CCDC3: variants seen among roughly 807,000 people sequenced by gnomAD.
CCDC3 encodes coiled-coil domain-containing protein 3.
Under a neutral mutation model 21.4 loss-of-function variants are expected in CCDC3, and 24 were observed. The observed-to-expected ratio is 1.12, with a 90% confidence interval of 0.81 to 1.58. CCDC3 has a LOEUF of 1.58. CCDC3 is among the 40% of genes most tolerant of loss of function. CCDC3 has a pLI of 0.00. For synonymous variants in CCDC3, 186 were observed against 166.0 expected (o/e 1.12, Z -0.93); for missense variants, 425 against 360.9 (o/e 1.18, Z -1.44).
At chr10:13,061,744 G>A (rs1836760306) in intron 4 of CCDC3, among the ~76,000 whole-genome samples, 1 of 152,162 alleles carries the variant, frequency 6.6e-6, no homozygotes, top group Non-Finnish European at 1.5e-5. Flanking sequence ...TAAAGACCTG[G>A]GATCAATAGA....
intron 2 of CCDC3, among the ~76,000 whole-genome samples, chr10:12,929,300 C>T (rs927355126): frequency 1.7e-4 from 26 of 150,334 alleles, no homozygotes; most frequent in Non-Finnish European, 2.7e-4. Flanking sequence ...ATAGACCCCA[C>T]CTTCCTCTGA....
chr10:12,985,932 G>C (rs1835582854), intron 2 of CCDC3, among the ~76,000 whole-genome samples: 1 of 152,230 alleles, frequency 6.6e-6, no homozygotes, highest in Admixed American at 6.5e-5. Context: ...CTGGAGTGCA[G>C]TGGCGCGATC....
In CCDC3 at chr10:13,001,337, C is replaced by A. The variant is rs1185782102; in HGVS notation, c.234G>T (p.Glu78Asp). 9 of 1,604,460 alleles carry A rather than the reference C, an allele frequency of 5.6e-6. No homozygotes were observed. Among genetic ancestry groups the A allele is most frequent in the Non-Finnish European group, 5.9e-6 (7 of 1,176,812 alleles). ...ACGCCTGGTCGCACAGCATCTCGAC[C>A]TCGGCCGAGTAGAAGAGGCCCCCCT... The part of the protein sequence containing the change: ...AGQGGLFYSA[E>D]VEMLCDQAWG... The change falls in exon 1 of 3, where the codon GAG (glutamate) becomes GAT (aspartate). Residue 78 changes from glutamate to aspartate, a missense_variant. By Grantham distance (45) the Glu-to-Asp change is conservative. Coordinates refer to ENST00000378825, the MANE Select transcript of CCDC3 (RefSeq NM_031455.4).
chr10:13,053,201 G>A lies in CCDC3; in HGVS notation c.-269-3260C>T, dbSNP rs367972157. 3.4e-4 allele frequency among the ~76,000 whole-genome samples: 51 copies of A among 152,038 alleles called. No individual in the cohort carries two copies. In the South Asian group the frequency reaches 0.01, roughly 31 times the overall value. On this transcript the variant is annotated intron_variant, in intron 4 of 6. Coordinates refer to the CCDC3 transcript ENST00000378839. ...GACTGAAGGTAGAATAATCTTTTTTGTTTTTGTTCTTGTAGGCAGGAAGGT... is the reference window on the plus strand; with the variant it reads ...GACTGAAGGTAGAATAATCTTTTTTATTTTTGTTCTTGTAGGCAGGAAGGT...
At chr10:12,940,520 A>G (rs546686993) in intron 2 of CCDC3, among the ~76,000 whole-genome samples, 88 of 152,326 alleles carry the variant, frequency 5.8e-4, no homozygotes, top group African/African-American at 1.9e-3. Context: ...TATAGTAGAA[A>G]TAAGATAGGA....
At chr10:12,917,586 AG>A (rs1181388577) in intron 2 of CCDC3, among the ~76,000 whole-genome samples, 1 of 152,076 alleles carries the variant, frequency 6.6e-6, no homozygotes, top group African/African-American at 2.4e-5. Flanking sequence ...ATGTAGGGAG[AG>A]TTGTTCAAAC....
chr10:13,086,390 A>C (rs534186480), intron 3 of CCDC3, among the ~76,000 whole-genome samples: 1 of 152,362 alleles, frequency 6.6e-6, no homozygotes, highest in Admixed American at 6.5e-5. Flanking sequence ...TCAATATTTA[A>C]GATTTAAGGC....
At chr10:12,965,329 T>G (rs1265207917) in intron 2 of CCDC3, among the ~76,000 whole-genome samples, 1 of 152,200 alleles carries the variant, frequency 6.6e-6, no homozygotes. Flanking sequence ...TCAGTTTATT[T>G]CATAGACCCA....
intron 2 of CCDC3, among the ~76,000 whole-genome samples, chr10:12,916,520 T>C (rs1834359922): frequency 1.3e-5 from 2 of 150,360 alleles, no homozygotes; most frequent in Admixed American, 6.6e-5. Flanking sequence ...TGGACCAACC[T>C]GAGGCAGGAG....
intron 2 of CCDC3, among the ~76,000 whole-genome samples, chr10:12,976,050 T>C (rs981443272): frequency 3.3e-5 from 5 of 152,260 alleles, no homozygotes; most frequent in Non-Finnish European, 5.9e-5. Flanking sequence ...GACCCACACA[T>C]TGGAGCGATG....
At chr10:13,055,467 C>T (rs1325098437) in intron 4 of CCDC3, among the ~76,000 whole-genome samples, 1 of 151,514 alleles carries the variant, frequency 6.6e-6, no homozygotes, top group Non-Finnish European at 1.5e-5. Context: ...GTAGCTGGGA[C>T]TACAGGCATG....
chr10:12,940,129 T>C (rs1158670456), intron 2 of CCDC3, among the ~76,000 whole-genome samples: 2 of 150,864 alleles, frequency 1.3e-5, no homozygotes, highest in Admixed American at 6.6e-5. Context: ...TGTTTTTACA[T>C]AGAAAAGAAA....
At chr10:13,048,915 C>T (rs892792658) in intron 5 of CCDC3, among the ~76,000 whole-genome samples, 1 of 152,078 alleles carries the variant, frequency 6.6e-6, no homozygotes, top group East Asian at 1.9e-4. Context: ...AATCATCTGG[C>T]TTATATTTTC....
At chr10:12,984,278 G>T (rs12263236) in intron 2 of CCDC3, among the ~76,000 whole-genome samples, 1 of 152,192 alleles carries the variant, frequency 6.6e-6, no homozygotes, top group African/African-American at 2.4e-5. Flanking sequence ...AGGACACTAT[G>T]CAAATGCCCA....
At position 12,901,520 on chromosome 10, in the gene CCDC3, G is replaced by A. The variant is rs150670156; in HGVS notation, c.550-2841C>T. On this transcript the variant is annotated intron_variant, in intron 2 of 2. Coordinates refer to ENST00000378825, the MANE Select transcript of CCDC3 (RefSeq NM_031455.4). ...GATTTCCTGACCTCGTGATCTGCCC[G>A]CCTCGGCCTCCCAAAGTGCTGGGAG... 4.9e-3 allele frequency among the ~76,000 whole-genome samples: 739 copies of A among 152,128 alleles called. 1 individual carries two copies. The highest frequency in any genetic ancestry group is 0.014 in the African/African-American group (566 of 41,494).
intron 4 of CCDC3, among the ~76,000 whole-genome samples, chr10:13,056,662 C>T (rs1378805161): frequency 6.6e-6 from 1 of 152,192 alleles, no homozygotes; most frequent in East Asian, 1.9e-4. Flanking sequence ...CCATCTGCTG[C>T]TCAGAATAAA....
At chr10:13,002,951 C>G (rs1329236816), upstream of CCDC3, among the ~76,000 whole-genome samples, 4 of 152,168 alleles carry the variant, frequency 2.6e-5, no homozygotes, top group Admixed American at 2.6e-4. Flanking sequence ...CTAACAAGGT[C>G]ACTAGTCCTA....
intron 4 of CCDC3, chr10:13,057,763 C>T: frequency 4.8e-6 from 1 of 209,872 alleles, no homozygotes; most frequent in Non-Finnish European, 9.6e-6. Flanking sequence ...CCTGTAAATC[C>T]CAGCTACTCA....
At chr10:12,969,959 T>A (rs2668905) in intron 2 of CCDC3, among the ~76,000 whole-genome samples, 84,169 of 151,888 alleles carry the variant, frequency 0.55, 23,381 homozygotes, top group South Asian at 0.59. Flanking sequence ...TCAAAGGGAC[T>A]CAGTGTATGC....
Sources: gnomAD v4.1 joint callset for allele counts (sites outside exome capture counted in the v4.1 genomes callset) on GRCh38, gnomAD v4.1.1 for gene constraint, MANE v1.5 for transcripts, NCBI Gene and HGNC (gene_info 2026-07-23, HGNC 2026-07-21) for gene names.